The following GIGYF2 variants were observed in gnomAD, a reference collection of about 807,000 sequenced individuals.
GIGYF2 encodes the protein GRB10-interacting GYF protein 2.
In GIGYF2, 25 loss-of-function variants were observed where a neutral mutation model predicts 208.1. That is an observed-to-expected ratio of 0.12 (90% CI 0.09 to 0.17). The LOEUF (loss-of-function observed/expected upper bound fraction) is 0.17, where lower values mean the gene tolerates loss of function less well. Ranked by LOEUF, GIGYF2 falls within the 10% of genes least tolerant of loss-of-function variation. The pLI is 1.00. For missense variants in GIGYF2, 1,302 were observed against 1,579.4 expected (o/e 0.82, Z 2.98); for synonymous variants, 534 against 543.8 (o/e 0.98, Z 0.25).
At chr2:232,771,131 G>T in intron 8 of GIGYF2, 1 of 1,614,088 alleles carries the variant, frequency 6.2e-7, no homozygotes, top group Non-Finnish European at 8.5e-7. Context: ...ATCTCAGCCA[G>T]AACATACCAG....
At chr2:232,707,725 C>T (rs1271676027) in intron 2 of GIGYF2, among the ~76,000 whole-genome samples, 3 of 151,320 alleles carry the variant, frequency 2.0e-5, no homozygotes, top group Admixed American at 6.6e-5. Flanking sequence ...GCAACCTCCA[C>T]CCCCTGGGTT....
rs78063441 is a variant in GIGYF2 at position 232,857,657 on chromosome 2, T to G, written c.*797T>G. ...AATTTTTCTTTCTTACAAAAACTGA[T>G]TTTTCCCATAAATATTTTTACTTCA... On this transcript the variant is annotated 3_prime_UTR_variant, in exon 29 of 29. Transcript: ENST00000373563. The G allele has an allele frequency of 6.5e-6, 1 of 152,772 alleles. No homozygotes were observed. The highest frequency in any genetic ancestry group is 2.4e-5 in the African/African-American group (1 of 41,566). The allele number at this position is 152,772 out of a possible 1,614,324, so 9.5% of individuals were successfully genotyped here.
At chr2:232,791,624 A>G (rs1247109581) in intron 12 of GIGYF2, among the ~76,000 whole-genome samples, 178 bp downstream of exon 12, 1 of 152,238 alleles carries the variant, frequency 6.6e-6, no homozygotes, top group Non-Finnish European at 1.5e-5. Flanking sequence ...TGTCCATCTC[A>G]GAATTACCAA....
Position 232,803,728 on chromosome 2 carries a change from C to T in GIGYF2, c.1640-2763C>T, listed in dbSNP as rs1700469516. Among the ~76,000 whole-genome samples the T allele has an allele frequency of 1.4e-4, 2 of 14,026 alleles. 1 individual carries two copies. The allele number at this position is 14,026 out of a possible 152,430, so 9.2% of individuals were successfully genotyped here. ...CGGAGTCTCGCTCTGTCGCCCAGGC[C>T]GGACTGCGGACTGCAGTGGCGCAAT... On this transcript the variant is annotated intron_variant, in intron 14 of 28. Coordinates refer to ENST00000373563, the MANE Select transcript of GIGYF2 (RefSeq NM_001103146.3).
At chr2:232,706,381 C>G (rs964367498) in intron 2 of GIGYF2, among the ~76,000 whole-genome samples, 3 of 152,216 alleles carry the variant, frequency 2.0e-5, no homozygotes, top group Admixed American at 1.3e-4. Context: ...GCGTGGCTTA[C>G]ATCCGTAATC....
In GIGYF2 at chr2:232,735,182, A is replaced by G. The variant is rs564807407; in HGVS notation, c.-16A>G. On this transcript the variant is annotated 5_prime_UTR_variant, in exon 3 of 29. Transcript: ENST00000373563. Reference sequence around the variant, plus strand: ...TTCTTCACATATAAAAATCTATTGTAAAAATACGGAAAAGAATGGCAGCGG... The same window carrying G: ...TTCTTCACATATAAAAATCTATTGTGAAAATACGGAAAAGAATGGCAGCGG... 1.3e-5 allele frequency: 20 copies of G among 1,584,440 alleles called. No individual in the cohort carries two copies. The highest frequency in any genetic ancestry group is 1.1e-4 in the South Asian group (10 of 90,210).
intron 22 of GIGYF2, among the ~76,000 whole-genome samples, chr2:232,837,143 G>C (rs2106415396): frequency 6.6e-6 from 1 of 152,326 alleles, no homozygotes; most frequent in South Asian, 2.1e-4. Flanking sequence ...GGCACAAGAA[G>C]AGAGCCTCCA....
At chr2:232,751,996 A>C (rs776608025) in intron 5 of GIGYF2, among the ~76,000 whole-genome samples, 22 of 152,206 alleles carry the variant, frequency 1.4e-4, no homozygotes, top group Non-Finnish European at 2.8e-4. Context: ...TTATGATAGA[A>C]ATATTTATCT....
rs1156576756 is a variant in GIGYF2, at chr2:232,836,263, CATATAT to C, written c.2766+3232_2766+3237del. 6.0e-4 allele frequency among the ~76,000 whole-genome samples: 23 copies of C among 38,622 alleles called. 1 individual carries two copies. The highest frequency in any genetic ancestry group is 8.6e-4 in the Non-Finnish European group (18 of 20,984). The allele number at this position is 38,622 out of a possible 152,430, so 25.3% of individuals were successfully genotyped here. A position where few individuals can be genotyped will look rare whatever the true frequency, so the allele number is the denominator to read the frequency against. On this transcript the variant is annotated intron_variant, in intron 22 of 28. Transcript: ENST00000373563. ...GCAACATGGTGAAACCCCATCTCTA[CATATAT>C]ATATATATATATATATATATATATA...
intron 2 of GIGYF2, among the ~76,000 whole-genome samples, chr2:232,716,192 C>G (rs750724572): frequency 1.3e-5 from 2 of 151,982 alleles, no homozygotes; most frequent in African/African-American, 4.8e-5. Flanking sequence ...GGGTCCCCCT[C>G]ATGTTTGGAC....
intron 18 of GIGYF2, among the ~76,000 whole-genome samples, chr2:232,814,555 T>TCCCCC (rs1700845465): frequency 1.2e-5 from 1 of 86,420 alleles, no homozygotes; most frequent in Non-Finnish European, 2.4e-5. Flanking sequence ...AGAGTGAGAC[T>TCCCCC]CCACCTCAAA....
intron 21 of GIGYF2, 27 bp from the exon 22 acceptor site, chr2:232,832,830 A>G (rs1446948395): frequency 5.4e-6 from 8 of 1,494,042 alleles, no homozygotes; most frequent in Non-Finnish European, 7.3e-6. Context: ...TAAAATTTTT[A>G]TATCTTTAAT....
intron 8 of GIGYF2, among the ~76,000 whole-genome samples, chr2:232,785,046 G>A (rs1699866645): frequency 6.6e-6 from 1 of 151,138 alleles, no homozygotes; most frequent in South Asian, 2.1e-4. Flanking sequence ...TGCCATGCTT[G>A]TATAGTCTGC....
chr2:232,729,126 A>G (rs1363777930), intron 2 of GIGYF2, among the ~76,000 whole-genome samples: 1 of 152,060 alleles, frequency 6.6e-6, no homozygotes, highest in Non-Finnish European at 1.5e-5. Flanking sequence ...CTGCAGGAGC[A>G]TACCACCACG....
At chr2:232,823,841 T>G (rs533239193) in intron 21 of GIGYF2, among the ~76,000 whole-genome samples, 83 of 152,358 alleles carry the variant, frequency 5.4e-4, no homozygotes, top group African/African-American at 1.9e-3. Flanking sequence ...ACGTATTTCA[T>G]TTTTTACGAA....
chr2:232,842,958 C>T (rs1435047308), intron 23 of GIGYF2: 1 of 152,228 alleles, frequency 6.6e-6, no homozygotes, highest in Non-Finnish European at 1.5e-5. Context: ...CAGTCTTCCT[C>T]TGTTTGAGAG....
intron 23 of GIGYF2, among the ~76,000 whole-genome samples, chr2:232,842,140 C>A (rs1701835862): frequency 1.3e-5 from 2 of 152,138 alleles, no homozygotes; most frequent in Admixed American, 6.6e-5. Context: ...ACGCCCTACC[C>A]TTTTTATCTT....
chr2:232,804,971 AT>A (rs200647455), intron 14 of GIGYF2, among the ~76,000 whole-genome samples: 7 of 147,600 alleles, frequency 4.7e-5, no homozygotes, highest in African/African-American at 1.5e-4. Flanking sequence ...ACTATATGTG[AT>A]TTTTTTTTAT....
intron 18 of GIGYF2, 36 bp from the exon 19 acceptor site, chr2:232,815,601 C>G (rs745749999): frequency 9.1e-7 from 1 of 1,099,484 alleles, no homozygotes; most frequent in East Asian, 2.4e-5. Flanking sequence ...TGTGTAAGCT[C>G]TGTCATTCCT....
Sources: gnomAD v4.1 joint callset for allele counts (sites outside exome capture counted in the v4.1 genomes callset) on GRCh38, gnomAD v4.1.1 for gene constraint, MANE v1.5 for transcripts, NCBI Gene and HGNC (gene_info 2026-07-23, HGNC 2026-07-21) for gene names.